The following CIROZ variants were observed in gnomAD, a reference collection of about 807,000 sequenced individuals.
The protein encoded by CIROZ is ciliated left-right organizer ZP-N domains-containing protein.
chr1:10,952,113 C>G, the CIROZ span, among the ~76,000 whole-genome samples: 1 of 152,110 alleles, frequency 6.6e-6, no homozygotes, highest in East Asian at 1.9e-4. Context: ...AGAAGCCGAA[C>G]AGGACACAGC....
chr1:10,973,008 T>C, the CIROZ span, among the ~76,000 whole-genome samples: 4 of 152,168 alleles, frequency 2.6e-5, no homozygotes, highest in Non-Finnish European at 4.4e-5. Context: ...CGTATAGCCT[T>C]TGCTGAAAAC....
chr1:10,976,429 G>GCAA, the CIROZ span, among the ~76,000 whole-genome samples: 3 of 151,408 alleles, frequency 2.0e-5, no homozygotes, highest in Non-Finnish European at 4.4e-5. Flanking sequence ...TCCGCCCACT[G>GCAA]CAACCTCCGC....
the CIROZ span, chr1:10,981,929 G>C: frequency 6.7e-7 from 1 of 1,486,580 alleles, no homozygotes; most frequent in African/African-American, 1.4e-5. Context: ...GATTCTGATG[G>C]AAGATATTTG....
At chr1:10,957,256 G>A in the CIROZ span, 8 of 647,016 alleles carry the variant, frequency 1.2e-5, no homozygotes, top group African/African-American at 5.6e-5. Flanking sequence ...GGATTATGGC[G>A]CCGATGCAAC....
the CIROZ span, among the ~76,000 whole-genome samples, chr1:10,960,834 G>C: frequency 6.6e-6 from 1 of 152,158 alleles, no homozygotes; most frequent in African/African-American, 2.4e-5. The surrounding 1 kb of genome is among the most constrained non-coding windows in gnomAD (Gnocchi z 4.6). Flanking sequence ...AGTTCAAGGT[G>C]CAGCCACGGA....
At chr1:10,964,726 G>A in the CIROZ span, among the ~76,000 whole-genome samples, 2 of 152,318 alleles carry the variant, frequency 1.3e-5, no homozygotes, top group African/African-American at 4.8e-5. Context: ...CACCTCCCGG[G>A]TTCAAGCAAT....
the CIROZ span, among the ~76,000 whole-genome samples, chr1:10,972,994 T>A: frequency 0.31 from 47,107 of 151,968 alleles, 8,630 homozygotes; most frequent in African/African-American, 0.51. Context: ...GCATTGGGCC[T>A]TGCCGTATAG....
the CIROZ span, among the ~76,000 whole-genome samples, chr1:10,977,056 G>T: frequency 3.3e-5 from 5 of 152,104 alleles, no homozygotes; most frequent in Admixed American, 3.3e-4. Flanking sequence ...CTACTCAGGA[G>T]GCTGAGGTGG....
chr1:10,978,627 T>G, the CIROZ span, among the ~76,000 whole-genome samples: 24 of 151,948 alleles, frequency 1.6e-4, no homozygotes, highest in Admixed American at 5.9e-4. Context: ...GGAGGATTGC[T>G]TGAGCCTGGG....
At chr1:10,952,710 C>T in the CIROZ span, among the ~76,000 whole-genome samples, 1 of 152,196 alleles carries the variant, frequency 6.6e-6, no homozygotes, top group Non-Finnish European at 1.5e-5. Flanking sequence ...CAGGGTTTCG[C>T]CATGTTGGCC....
chr1:10,979,859 C>A, the CIROZ span, among the ~76,000 whole-genome samples: 1 of 152,126 alleles, frequency 6.6e-6, no homozygotes, highest in Non-Finnish European at 1.5e-5. Flanking sequence ...AGCAGCCTAG[C>A]CAACATGGTG....
the CIROZ span, among the ~76,000 whole-genome samples, chr1:10,967,190 A>C: frequency 6.6e-6 from 1 of 151,496 alleles, no homozygotes; most frequent in Admixed American, 6.6e-5. Context: ...TGCTTAAAAA[A>C]AACAAAGCCC....
the CIROZ span, among the ~76,000 whole-genome samples, chr1:10,958,058 C>T: frequency 6.6e-6 from 1 of 152,248 alleles, no homozygotes; most frequent in Non-Finnish European, 1.5e-5. Flanking sequence ...GCCCCTATGC[C>T]GCCCTGGCTG....
At chr1:10,967,184 TA>T in the CIROZ span, among the ~76,000 whole-genome samples, 55,398 of 147,404 alleles carry the variant, frequency 0.38, 10,715 homozygotes, top group Middle Eastern at 0.49. Flanking sequence ...CTCCATTGCT[TA>T]AAAAAAACAA....
At chr1:10,972,420 T>TAGAAACAC in the CIROZ span, among the ~76,000 whole-genome samples, 461 of 131,804 alleles carry the variant, frequency 3.5e-3, 9 homozygotes, top group African/African-American at 0.014. Context: ...GTCTCTGAAA[T>TAGAAACAC]ACACACACAC....
chr1:10,947,788 C>A, the CIROZ span: 2 of 1,599,856 alleles, frequency 1.3e-6, no homozygotes, highest in Non-Finnish European at 1.7e-6. Context: ...CCCCGGCCAG[C>A]CTGGAAGGGG....
chr1:10,968,280 C>T, the CIROZ span, among the ~76,000 whole-genome samples: 1 of 152,168 alleles, frequency 6.6e-6, no homozygotes, highest in African/African-American at 2.4e-5. Context: ...CTGTAATTAT[C>T]TTGTATTGCT....
the CIROZ span, among the ~76,000 whole-genome samples, chr1:10,951,745 A>AAAAAAAAAAAAAAAATATATATATAT: frequency 8.4e-6 from 1 of 119,206 alleles, no homozygotes; most frequent in African/African-American, 3.6e-5. Context: ...AAAAAAAAAA[A>AAAAAAAAAAAAAAAATATATATATAT]ATATATATAT....
At chr1:10,966,438 A>G in the CIROZ span, 7 of 1,536,690 alleles carry the variant, frequency 4.6e-6, no homozygotes, top group East Asian at 1.2e-4. Context: ...AAGTAGCCAC[A>G]TTTAGCAAGA....
Sources: gnomAD v4.1 joint callset for allele counts (sites outside exome capture counted in the v4.1 genomes callset) on GRCh38, gnomAD v4.1.1 for gene constraint, Gnocchi (gnomAD v3.1) non-coding constraint, MANE v1.5 for transcripts, NCBI Gene and HGNC (gene_info 2026-07-23, HGNC 2026-07-21) for gene names.